The following ADORA2B variants were observed in gnomAD, a reference collection of about 807,000 sequenced individuals.
The protein encoded by ADORA2B is adenosine A2b receptor.
ADORA2B carries 18 observed loss-of-function variants against 20.8 expected under a neutral mutation model. The ratio of observed to expected loss-of-function variants is 0.87; its 90% CI spans 0.60 to 1.29. The LOEUF is 1.29. ADORA2B is among the 50% of genes most tolerant of loss of function. The pLI is 0.00. For synonymous variants in ADORA2B, 179 were observed against 178.3 expected (o/e 1.00, Z -0.03); for missense variants, 441 against 422.7 (o/e 1.04, Z -0.38).
At chr17:15,945,665 C>A in intron 1 of ADORA2B, 82 bp downstream of exon 1, 2 of 1,341,598 alleles carry the variant, frequency 1.5e-6, no homozygotes, top group East Asian at 2.6e-5. Flanking sequence ...GGGTTCCTCC[C>A]TCGGGGGCCC....
At chr17:15,884,766 C>T in the ADORA2B span, among the ~76,000 whole-genome samples, 5 of 152,178 alleles carry the variant, frequency 3.3e-5, no homozygotes, top group African/African-American at 1.2e-4. Flanking sequence ...CTTTTTATGG[C>T]TGCATAGAAT....
At chr17:15,915,648 G>A in the ADORA2B span, among the ~76,000 whole-genome samples, 1 of 152,210 alleles carries the variant, frequency 6.6e-6, no homozygotes, top group South Asian at 2.1e-4. Flanking sequence ...ATACAGAACT[G>A]CCCCATGTGA....
At chr17:15,878,163 TTGTGTG>T in the ADORA2B span, among the ~76,000 whole-genome samples, 3 of 119,620 alleles carry the variant, frequency 2.5e-5, no homozygotes, top group Non-Finnish European at 3.6e-5. Flanking sequence ...CAGATATCCT[TTGTGTG>T]TGTGTGTGTG....
chr17:15,935,870 T>C, the ADORA2B span, among the ~76,000 whole-genome samples: 1 of 149,478 alleles, frequency 6.7e-6, no homozygotes. Context: ...ATTGTACTTT[T>C]TTTTTTTTTT....
the ADORA2B span, among the ~76,000 whole-genome samples, chr17:15,937,792 C>T: frequency 6.6e-6 from 1 of 152,214 alleles, no homozygotes; most frequent in African/African-American, 2.4e-5. Context: ...AGGCTGGTCT[C>T]GAACTCCTGA....
the ADORA2B span, among the ~76,000 whole-genome samples, chr17:15,880,809 G>C: frequency 1.3e-5 from 2 of 152,220 alleles, no homozygotes; most frequent in Non-Finnish European, 2.9e-5. Context: ...CCCCTGGACA[G>C]AAACAGCCAC....
the ADORA2B span, among the ~76,000 whole-genome samples, chr17:15,912,453 C>T: frequency 2.6e-5 from 4 of 152,044 alleles, no homozygotes; most frequent in Non-Finnish European, 5.9e-5. Flanking sequence ...ACTTTTTCCT[C>T]CCAGGGAAGC....
At chr17:15,942,834 A>C (rs1018217066), upstream of ADORA2B, among the ~76,000 whole-genome samples, 2 of 151,150 alleles carry the variant, frequency 1.3e-5, no homozygotes, top group African/African-American at 2.4e-5. Flanking sequence ...TTTTCTCTTC[A>C]CTCTCCTGGG....
the ADORA2B span, among the ~76,000 whole-genome samples, chr17:15,903,517 C>G: frequency 6.6e-6 from 1 of 152,146 alleles, no homozygotes; most frequent in Non-Finnish European, 1.5e-5. Flanking sequence ...GAATGCTACC[C>G]AGAGACCCTC....
the ADORA2B span, among the ~76,000 whole-genome samples, chr17:15,935,390 C>G: frequency 1.3e-5 from 2 of 152,032 alleles, no homozygotes; most frequent in Non-Finnish European, 2.9e-5. Context: ...CTCTTATGGT[C>G]TCCATGACTT....
chr17:15,890,174 A>T, the ADORA2B span, among the ~76,000 whole-genome samples: 3 of 129,544 alleles, frequency 2.3e-5, no homozygotes, highest in South Asian at 6.8e-4. Context: ...CATTAATCCT[A>T]TGGATAAAGA....
chr17:15,921,763 A>C, the ADORA2B span, among the ~76,000 whole-genome samples: 2 of 152,204 alleles, frequency 1.3e-5, no homozygotes, highest in African/African-American at 4.8e-5. Context: ...TGCTGAATTC[A>C]CAAAATTATT....
chr17:15,919,998 T>C, the ADORA2B span, among the ~76,000 whole-genome samples: 1 of 152,186 alleles, frequency 6.6e-6, no homozygotes, highest in Non-Finnish European at 1.5e-5. Flanking sequence ...ACCTTTTCCC[T>C]AGACCAAAGT....
At chr17:15,941,677 A>G (rs1321150878), upstream of ADORA2B, among the ~76,000 whole-genome samples, 1 of 149,466 alleles carries the variant, frequency 6.7e-6, no homozygotes, top group Non-Finnish European at 1.5e-5. Context: ...GCAGTAAGCT[A>G]TGATCCCACC....
the ADORA2B span, among the ~76,000 whole-genome samples, chr17:15,867,686 C>T: frequency 4.0e-5 from 6 of 148,664 alleles, no homozygotes; most frequent in South Asian, 2.1e-4. Flanking sequence ...GTCAGCCCCC[C>T]GCCCGGCCAG....
At chr17:15,945,876 G>A in intron 1 of ADORA2B, among the ~76,000 whole-genome samples, 1 of 152,086 alleles carries the variant, frequency 6.6e-6, no homozygotes, top group African/African-American at 2.4e-5. Context: ...GGAAACCCCG[G>A]GGAAAGCGTC....
the ADORA2B span, among the ~76,000 whole-genome samples, chr17:15,929,328 G>T: frequency 2.5e-3 from 388 of 152,340 alleles, 4 homozygotes; most frequent in African/African-American, 8.9e-3. Flanking sequence ...AAAGAGCCAG[G>T]AGCACTTTCT....
In ADORA2B at chr17:15,975,349, C is replaced by T; in HGVS notation, c.*7C>T. The T allele has an allele frequency of 6.2e-7, 1 of 1,601,176 alleles. No individual in the cohort carries two copies. Among genetic ancestry groups the T allele is most frequent in the Non-Finnish European group, 8.5e-7 (1 of 1,175,332 alleles). ...TCTCGGTGTGGGCCTATGATCTAGG[C>T]TCTCGCCTCTTCCAGGAGAAGATAC... On this transcript the variant is annotated 3_prime_UTR_variant, in exon 2 of 2. Transcript: ENST00000304222.
Position 15,945,136 on chromosome 17 carries a change from G to A in ADORA2B, c.-113G>A, listed in dbSNP as rs2151590142. 3 of 938,240 alleles carry A rather than the reference G, an allele frequency of 3.2e-6. No individual in the cohort carries two copies. Among genetic ancestry groups the A allele is most frequent in the Non-Finnish European group, 4.2e-6 (3 of 708,260 alleles). 58.1% of individuals were successfully genotyped at this position (938,240 alleles called of 1,614,324 possible). ...CGCCCCAGCCCCGAGGCTCAGAAGCGGCAGGCGGAGGCGCGGTCCGGGCGC... is the reference window on the plus strand; with the variant it reads ...CGCCCCAGCCCCGAGGCTCAGAAGCAGCAGGCGGAGGCGCGGTCCGGGCGC... On this transcript the variant is annotated 5_prime_UTR_variant, in exon 1 of 2. Transcript: ENST00000304222.
Sources: gnomAD v4.1 joint callset for allele counts (sites outside exome capture counted in the v4.1 genomes callset) on GRCh38, gnomAD v4.1.1 for gene constraint, MANE v1.5 for transcripts, NCBI Gene and HGNC (gene_info 2026-07-23, HGNC 2026-07-21) for gene names.